The following MECOM variants were observed in gnomAD, a reference collection of about 807,000 sequenced individuals.
MECOM encodes the protein histone-lysine N-methyltransferase MECOM.
A neutral mutation model predicts 116.3 loss-of-function variants in MECOM; 13 were observed. That is an observed-to-expected ratio of 0.11 (90% CI 0.07 to 0.18). The LOEUF (loss-of-function observed/expected upper bound fraction) is 0.18, where lower values mean the gene tolerates loss of function less well. Ranked by LOEUF, MECOM falls within the 10% of genes least tolerant of loss-of-function variation. MECOM has a pLI of 1.00. For synonymous variants in MECOM, 528 were observed against 535.2 expected (o/e 0.99, Z 0.19); for missense variants, 1,299 against 1,509.0 (o/e 0.86, Z 2.31).
intron 7 of MECOM, among the ~76,000 whole-genome samples, chr3:169,120,288 G>A (rs1014653344): frequency 1.8e-4 from 27 of 152,328 alleles, no homozygotes; most frequent in African/African-American, 6.0e-4. Flanking sequence ...ACAATACAGA[G>A]AATAGGAGTG....
chr3:169,228,177 G>A (rs941584428), intron 2 of MECOM, among the ~76,000 whole-genome samples: 4 of 152,240 alleles, frequency 2.6e-5, no homozygotes, highest in Admixed American at 2.0e-4. Flanking sequence ...TGTAGTCTGT[G>A]CCGCAAATCT....
At chr3:169,518,683 G>C (rs551256086) in intron 1 of MECOM, among the ~76,000 whole-genome samples, 3 of 152,190 alleles carry the variant, frequency 2.0e-5, no homozygotes, top group Non-Finnish European at 4.4e-5. Context: ...ATATGGTTTG[G>C]CTGCCCCACC....
At chr3:169,657,583 C>T (rs953538867) in intron 1 of MECOM, among the ~76,000 whole-genome samples, 2 of 152,214 alleles carry the variant, frequency 1.3e-5, no homozygotes, top group Non-Finnish European at 2.9e-5. Context: ...AGAACCCAGT[C>T]TCCAGAGGGA....
intron 5 of MECOM, among the ~76,000 whole-genome samples, chr3:169,125,893 T>A (rs1474766215): frequency 6.6e-6 from 1 of 152,050 alleles, no homozygotes. Context: ...GAAGAACAGA[T>A]CAAATCCAGA....
chr3:169,364,438 G>C (rs1437028004), intron 2 of MECOM, among the ~76,000 whole-genome samples: 6 of 151,940 alleles, frequency 3.9e-5, no homozygotes, highest in Admixed American at 1.3e-4. Flanking sequence ...CCTTTGACAA[G>C]TGCAATAAAC....
At chr3:169,544,568 C>A (rs12487399) in intron 1 of MECOM, among the ~76,000 whole-genome samples, 1 of 152,182 alleles carries the variant, frequency 6.6e-6, no homozygotes, top group Non-Finnish European at 1.5e-5. Flanking sequence ...TACACATGAA[C>A]ACACATGTTT....
chr3:169,467,452 C>T (rs1242704303), intron 1 of MECOM, among the ~76,000 whole-genome samples: 1 of 152,074 alleles, frequency 6.6e-6, no homozygotes, highest in Non-Finnish European at 1.5e-5. Context: ...ATTAAGTTCA[C>T]GGGCCAAGGC....
intron 2 of MECOM, among the ~76,000 whole-genome samples, chr3:169,296,690 T>A (rs1715671011): frequency 6.6e-6 from 1 of 151,578 alleles, no homozygotes; most frequent in African/African-American, 2.4e-5. Context: ...AATAAAGGAG[T>A]GAGGAAAATA....
chr3:169,463,679 T>C (rs1234200538), intron 1 of MECOM, among the ~76,000 whole-genome samples: 1 of 152,202 alleles, frequency 6.6e-6, no homozygotes, highest in African/African-American at 2.4e-5. Context: ...TCTACTTTGA[T>C]AGTAAAACCT....
intron 2 of MECOM, among the ~76,000 whole-genome samples, chr3:169,304,118 A>G (rs113066389): frequency 4.6e-5 from 7 of 152,364 alleles, no homozygotes; most frequent in African/African-American, 9.6e-5. Flanking sequence ...CTCACTTCCA[A>G]TGAATCAATT....
chr3:169,376,470 C>T (rs1731057932), intron 2 of MECOM, among the ~76,000 whole-genome samples: 7 of 152,188 alleles, frequency 4.6e-5, no homozygotes, highest in Admixed American at 4.6e-4. Flanking sequence ...TGAAAAGCAA[C>T]TTCAGCAAAG....
At chr3:169,307,855 C>T (rs954110593) in intron 2 of MECOM, among the ~76,000 whole-genome samples, 1 of 152,156 alleles carries the variant, frequency 6.6e-6, no homozygotes, top group Non-Finnish European at 1.5e-5. Flanking sequence ...CTTATCCTGG[C>T]CACTGAGGCT....
At chr3:169,291,067 T>C (rs1364402895) in intron 2 of MECOM, among the ~76,000 whole-genome samples, 1 of 152,208 alleles carries the variant, frequency 6.6e-6, no homozygotes, top group Non-Finnish European at 1.5e-5. Context: ...GAACTCCACT[T>C]ATTAAAAGGA....
chr3:169,146,475 A>T (rs1233108630), intron 2 of MECOM: 3 of 1,383,566 alleles, frequency 2.2e-6, no homozygotes, highest in Non-Finnish European at 2.9e-6. Flanking sequence ...AGAGAAACCC[A>T]CCGAAGGCCG....
At chr3:169,211,858 T>C (rs963587015) in intron 2 of MECOM, among the ~76,000 whole-genome samples, 1 of 152,160 alleles carries the variant, frequency 6.6e-6, no homozygotes, top group South Asian at 2.1e-4. Flanking sequence ...GGATGTTTAA[T>C]AGCTATCTCA....
intron 1 of MECOM, among the ~76,000 whole-genome samples, chr3:169,504,404 G>A (rs865780262): frequency 1.1e-4 from 16 of 151,994 alleles, no homozygotes; most frequent in Middle Eastern, 6.8e-3. Context: ...TCATATATGA[G>A]GTACTCATTT....
intron 2 of MECOM, among the ~76,000 whole-genome samples, chr3:169,291,765 C>T (rs1714606296): frequency 6.6e-6 from 1 of 152,162 alleles, no homozygotes; most frequent in Admixed American, 6.6e-5. Context: ...ATAAAACTTT[C>T]TTTTGCTTTG....
At chr3:169,177,423 A>C (rs536654833) in intron 2 of MECOM, among the ~76,000 whole-genome samples, 3 of 152,238 alleles carry the variant, frequency 2.0e-5, no homozygotes, top group South Asian at 4.1e-4. Flanking sequence ...AACAACGAGA[A>C]TACCTGGACA....
chr3:169,594,044 C>A (rs1365698872), intron 1 of MECOM, among the ~76,000 whole-genome samples: 1 of 150,870 alleles, frequency 6.6e-6, no homozygotes, highest in Non-Finnish European at 1.5e-5. Flanking sequence ...TTGCTTGGAC[C>A]CAGGAGGCAG....
Sources: allele counts gnomAD v4.1 joint callset (sites outside exome capture counted in the v4.1 genomes callset), GRCh38; gene constraint gnomAD v4.1.1; transcripts MANE v1.5; gene names NCBI Gene and HGNC (gene_info 2026-07-23, HGNC 2026-07-21).